The following CNBD1 variants were observed in gnomAD, a reference collection of about 807,000 sequenced individuals.
CNBD1 encodes the protein cyclic nucleotide binding domain containing 1, also known as cyclic nucleotide-binding domain-containing protein 1.
CNBD1 carries 71 observed loss-of-function variants against 54.4 expected under a neutral mutation model. The ratio of observed to expected loss-of-function variants is 1.30; its 90% CI spans 1.08 to 1.59. The LOEUF (loss-of-function observed/expected upper bound fraction) is 1.59, where lower values mean the gene tolerates loss of function less well. Ranked by LOEUF, CNBD1 falls within the 40% of genes most tolerant of loss-of-function variation. The pLI, the probability that CNBD1 is intolerant of heterozygous loss-of-function variation, is 0.00. For synonymous variants in CNBD1, 182 were observed against 170.7 expected (o/e 1.07, Z -0.51); for missense variants, 659 against 518.0 (o/e 1.27, Z -2.64).
intron 8 of CNBD1, among the ~76,000 whole-genome samples, chr8:87,336,272 A>G (rs1809943708): frequency 6.6e-6 from 1 of 152,092 alleles, no homozygotes. Context: ...GTTCTTCTGG[A>G]TAATATTCTG....
At chr8:87,292,333 C>G (rs1161529006) in intron 8 of CNBD1, among the ~76,000 whole-genome samples, 1 of 152,144 alleles carries the variant, frequency 6.6e-6, no homozygotes, top group African/African-American at 2.4e-5. Flanking sequence ...GCATTAAGGA[C>G]AGCAATAGTT....
intron 4 of CNBD1, among the ~76,000 whole-genome samples, chr8:87,136,127 C>A (rs1348247033): frequency 6.6e-6 from 1 of 151,824 alleles, no homozygotes; most frequent in Non-Finnish European, 1.5e-5. Flanking sequence ...ACAATTAATA[C>A]CCAAAAATAA....
intron 4 of CNBD1, among the ~76,000 whole-genome samples, chr8:87,144,717 A>G (rs1812445924): frequency 6.6e-6 from 1 of 151,394 alleles, no homozygotes; most frequent in African/African-American, 2.4e-5. Context: ...GCTACTTGGG[A>G]GGCTGAGGAA....
intron 4 of CNBD1, among the ~76,000 whole-genome samples, chr8:86,961,878 A>T (rs1273401477): frequency 6.6e-6 from 1 of 152,146 alleles, no homozygotes; most frequent in Non-Finnish European, 1.5e-5. Flanking sequence ...CACATAACAC[A>T]TGTGTAACTA....
At chr8:87,364,786 C>T (rs116484788) in intron 10 of CNBD1, among the ~76,000 whole-genome samples, 2,856 of 152,048 alleles carry the variant, frequency 0.019, 90 homozygotes, top group African/African-American at 0.062. Flanking sequence ...GATAATGTCC[C>T]CCAGTTCCAT....
chr8:87,391,354 C>T (rs989336057), intron 2 of CNBD1, among the ~76,000 whole-genome samples: 5 of 152,058 alleles, frequency 3.3e-5, no homozygotes, highest in Non-Finnish European at 7.4e-5. Flanking sequence ...TTCAGAAAGC[C>T]ACAAGCTAAT....
intron 5 of CNBD1, among the ~76,000 whole-genome samples, chr8:87,227,945 T>C (rs1421046984): frequency 6.7e-6 from 1 of 149,626 alleles, no homozygotes; most frequent in African/African-American, 2.5e-5. Context: ...CATTTCTTTT[T>C]ATTCTTTTTT....
chr8:86,945,734 T>A (rs1458697524), intron 4 of CNBD1, among the ~76,000 whole-genome samples: 2 of 152,168 alleles, frequency 1.3e-5, no homozygotes, highest in African/African-American at 4.8e-5. Context: ...CTGACACAAA[T>A]GGTGATCATT....
intron 4 of CNBD1, among the ~76,000 whole-genome samples, chr8:87,167,300 A>G (rs997562492): frequency 2.0e-5 from 3 of 151,880 alleles, no homozygotes; most frequent in Non-Finnish European, 2.9e-5. Flanking sequence ...CACCTCAAAC[A>G]TTGATCATTT....
chr8:87,387,384 A>G (rs1355998716), downstream of CNBD1, among the ~76,000 whole-genome samples: 2 of 152,102 alleles, frequency 1.3e-5, no homozygotes, highest in African/African-American at 4.8e-5. Flanking sequence ...AGACACACAT[A>G]GGCTCAAAAT....
chr8:86,952,257 CTG>C (rs1281895917), intron 4 of CNBD1, among the ~76,000 whole-genome samples: 3 of 152,146 alleles, frequency 2.0e-5, no homozygotes, highest in African/African-American at 7.2e-5. Context: ...CTTCCTGAGG[CTG>C]TGCCACAGGT....
chr8:87,165,663 G>A (rs1022053885), intron 4 of CNBD1, among the ~76,000 whole-genome samples: 6 of 151,824 alleles, frequency 4.0e-5, no homozygotes, highest in Non-Finnish European at 8.8e-5. Flanking sequence ...TGATTTTCTA[G>A]TAGGCGCATA....
intron 8 of CNBD1, among the ~76,000 whole-genome samples, chr8:87,305,585 A>T (rs1221571586): frequency 6.6e-6 from 1 of 152,146 alleles, no homozygotes; most frequent in Non-Finnish European, 1.5e-5. Context: ...AGAATAGAGA[A>T]CACAGAAATA....
chr8:87,336,222 C>T (rs112486815), intron 8 of CNBD1, among the ~76,000 whole-genome samples: 1 of 152,018 alleles, frequency 6.6e-6, no homozygotes, highest in East Asian at 1.9e-4. Flanking sequence ...CTCTTTATTT[C>T]CTTAATTTGA....
intron 2 of CNBD1, among the ~76,000 whole-genome samples, chr8:86,892,802 T>G (rs1000845898): frequency 2.0e-5 from 3 of 152,168 alleles, no homozygotes; most frequent in Non-Finnish European, 4.4e-5. Flanking sequence ...CTTTTTTCAC[T>G]CACAGGATGT....
At chr8:86,875,841 C>A (rs890366039) in intron 1 of CNBD1, among the ~76,000 whole-genome samples, 1 of 152,080 alleles carries the variant, frequency 6.6e-6, no homozygotes, top group African/African-American at 2.4e-5. Flanking sequence ...TTAAAAATTT[C>A]AACTTATTGT....
chr8:87,195,417 A>G (rs893014234), intron 4 of CNBD1, among the ~76,000 whole-genome samples: 1 of 151,366 alleles, frequency 6.6e-6, no homozygotes, highest in Non-Finnish European at 1.5e-5. Context: ...TAGTAGAGAC[A>G]GGGTTTCACC....
At chr8:87,333,755 T>C (rs554609415) in intron 8 of CNBD1, among the ~76,000 whole-genome samples, 37 of 152,350 alleles carry the variant, frequency 2.4e-4, no homozygotes, top group Non-Finnish European at 3.8e-4. Flanking sequence ...GATGTGCTTC[T>C]GGATTTGGTT....
chr8:87,428,146 C>A (rs59242337), intron 2 of CNBD1, among the ~76,000 whole-genome samples: 8,833 of 135,442 alleles, frequency 0.065, 838 homozygotes, highest in African/African-American at 0.22. Flanking sequence ...AAAAAAAAGG[C>A]AAAAAAAGAA....
Sources: gnomAD v4.1 joint callset for allele counts (sites outside exome capture counted in the v4.1 genomes callset) on GRCh38, gnomAD v4.1.1 for gene constraint, MANE v1.5 for transcripts, NCBI Gene and HGNC (gene_info 2026-07-23, HGNC 2026-07-21) for gene names.